PCDHA9: variants seen among roughly 807,000 people sequenced by gnomAD.
PCDHA9 encodes the protein protocadherin alpha 9.
Under a neutral mutation model 62.0 loss-of-function variants are expected in PCDHA9, and 62 were observed. The ratio of observed to expected loss-of-function variants is 1.00; its 90% confidence interval spans 0.81 to 1.23. The LOEUF is 1.23. Ranked by LOEUF, PCDHA9 falls within the 50% of genes most tolerant of loss-of-function variation. PCDHA9 has a pLI of 0.00. For missense variants in PCDHA9, 1,205 were observed against 1,249.8 expected, an observed-to-expected ratio of 0.96 and a Z score of 0.54; for synonymous variants, 557 against 567.6, an observed-to-expected ratio of 0.98 and a Z score of 0.27.
chr5:140,926,537 T>G, intron 1 of PCDHA9: 10 of 211,562 alleles, frequency 4.7e-5, no homozygotes, highest in Non-Finnish European at 7.4e-5. Flanking sequence ...GCAGCCAGCG[T>G]GGTGGTCGAG....
At chr5:140,896,191 C>T (rs987655303) in intron 1 of PCDHA9, among the ~76,000 whole-genome samples, 1 of 152,184 alleles carries the variant, frequency 6.6e-6, no homozygotes, top group African/African-American at 2.4e-5. Flanking sequence ...GTGAATAGTG[C>T]CATGATGAAC....
chr5:140,990,199 G>A (rs1308811962), intron 3 of PCDHA9, among the ~76,000 whole-genome samples: 1 of 152,132 alleles, frequency 6.6e-6, no homozygotes, highest in East Asian at 1.9e-4. Context: ...ATGTGGACCC[G>A]AAAGAGAACA....
At chr5:140,881,523 C>T in intron 1 of PCDHA9, 1 of 194,568 alleles carries the variant, frequency 5.1e-6, no homozygotes, top group Non-Finnish European at 9.4e-6. Context: ...AAATCCCACA[C>T]ATATTGACTG....
intron 1 of PCDHA9, chr5:140,969,317 G>A (rs1554231675): frequency 6.2e-7 from 1 of 1,614,156 alleles, no homozygotes; most frequent in East Asian, 2.2e-5. Context: ...AAATGAGGCT[G>A]TTTCTCAAAA....
intron 1 of PCDHA9, among the ~76,000 whole-genome samples, chr5:140,873,602 C>T (rs1554166789): frequency 6.6e-6 from 1 of 152,118 alleles, no homozygotes; most frequent in African/African-American, 2.4e-5. Flanking sequence ...TTAGATGTTC[C>T]TATTGGCTTA....
At chr5:140,940,616 G>A (rs1554213527) in intron 1 of PCDHA9, among the ~76,000 whole-genome samples, 3 of 152,002 alleles carry the variant, frequency 2.0e-5, no homozygotes, top group Non-Finnish European at 4.4e-5. Flanking sequence ...CCTGGCTCCT[G>A]CAAATATTCT....
At chr5:140,893,409 T>C (rs2153442529) in intron 1 of PCDHA9, among the ~76,000 whole-genome samples, 1 of 152,154 alleles carries the variant, frequency 6.6e-6, no homozygotes, top group South Asian at 2.1e-4. Context: ...TCCCAGCACT[T>C]AGGGAGGCAG....
At chr5:140,852,883 G>A (rs1190514830) in intron 1 of PCDHA9, 22 of 933,050 alleles carry the variant, frequency 2.4e-5, no homozygotes, top group African/African-American at 1.6e-4. Flanking sequence ...ATCATAAAAC[G>A]TATTTTTTTT....
intron 1 of PCDHA9, among the ~76,000 whole-genome samples, chr5:140,941,214 C>CTTCCTTTCTTT (rs1554214039): frequency 8.2e-6 from 1 of 122,414 alleles, no homozygotes; most frequent in Non-Finnish European, 1.7e-5. Context: ...TTTCTTTCTT[C>CTTCCTTTCTTT]CTTTCTTTCT....
At chr5:140,970,327 A>AGCATG (rs2096397524) in intron 1 of PCDHA9, among the ~76,000 whole-genome samples, 1 of 152,204 alleles carries the variant, frequency 6.6e-6, no homozygotes, top group African/African-American at 2.4e-5. Context: ...GTACTTCCAA[A>AGCATG]GCATGCATTC....
At chr5:140,944,219 A>G (rs191111426) in intron 1 of PCDHA9, among the ~76,000 whole-genome samples, 202 of 152,176 alleles carry the variant, frequency 1.3e-3, no homozygotes, top group Non-Finnish European at 2.3e-3. Context: ...AGAGGGTTTT[A>G]CTCTGTCGCT....
chr5:140,978,656 G>A (rs2096815434), intron 1 of PCDHA9, among the ~76,000 whole-genome samples: 1 of 152,248 alleles, frequency 6.6e-6, no homozygotes, highest in African/African-American at 2.4e-5. Flanking sequence ...TCTTCCCGTA[G>A]TGTTTTAAGA....
At chr5:140,952,654 G>T (rs541888180) in intron 1 of PCDHA9, among the ~76,000 whole-genome samples, 4 of 152,270 alleles carry the variant, frequency 2.6e-5, no homozygotes, top group African/African-American at 9.6e-5. Context: ...TGGTTACCCA[G>T]TTCCAAAGTC....
intron 3 of PCDHA9, among the ~76,000 whole-genome samples, chr5:140,997,722 C>G (rs2097782886): frequency 6.6e-6 from 1 of 151,372 alleles, no homozygotes; most frequent in South Asian, 2.1e-4. Context: ...CTTTCTACGT[C>G]AGTACATATA....
intron 1 of PCDHA9, among the ~76,000 whole-genome samples, chr5:140,892,414 C>G (rs2063506203): frequency 6.6e-6 from 1 of 152,124 alleles, no homozygotes; most frequent in Non-Finnish European, 1.5e-5. Context: ...TTCAGGTATT[C>G]TAGATAAAAC....
intron 1 of PCDHA9, among the ~76,000 whole-genome samples, chr5:140,953,652 G>A (rs2094921965): frequency 6.6e-6 from 1 of 152,102 alleles, no homozygotes; most frequent in South Asian, 2.1e-4. Context: ...AGCTATAGTT[G>A]TTATCTCTGG....
intron 1 of PCDHA9, among the ~76,000 whole-genome samples, chr5:140,899,424 T>A (rs1437811361): frequency 6.6e-6 from 1 of 152,206 alleles, no homozygotes; most frequent in African/African-American, 2.4e-5. Flanking sequence ...TTGTCAAAGG[T>A]CTTTTCTGCA....
At chr5:140,972,917 C>T (rs1279060017) in intron 1 of PCDHA9, among the ~76,000 whole-genome samples, 1 of 152,074 alleles carries the variant, frequency 6.6e-6, no homozygotes, top group Non-Finnish European at 1.5e-5. Context: ...CCGCCTTGGC[C>T]TCCCAAAGTG....
intron 1 of PCDHA9, chr5:140,968,828 C>T (rs1404451202): frequency 6.2e-7 from 1 of 1,614,198 alleles, no homozygotes; most frequent in South Asian, 1.1e-5. Context: ...TTCCAAAATC[C>T]TCCCTGACAC....
Sources: gnomAD v4.1 joint callset for allele counts (sites outside exome capture counted in the v4.1 genomes callset) on GRCh38, gnomAD v4.1.1 for gene constraint, MANE v1.5 for transcripts, NCBI Gene and HGNC (gene_info 2026-07-23, HGNC 2026-07-21) for gene names.